The following PHF14 variants were observed in gnomAD, a reference collection of about 807,000 sequenced individuals.
The protein encoded by PHF14 is PHD finger protein 14.
In PHF14, 55 loss-of-function variants were observed where a neutral mutation model predicts 117.9. The ratio of observed to expected loss-of-function variants is 0.47; its 90% CI spans 0.38 to 0.58. PHF14 has a LOEUF of 0.58. PHF14 is among the 20% of genes least tolerant of loss of function. The pLI, the probability that PHF14 is intolerant of heterozygous loss-of-function variation, is 0.00. For missense variants in PHF14, 978 were observed against 1,122.2 expected (o/e 0.87, Z 1.84); for synonymous variants, 409 against 368.6 (o/e 1.11, Z -1.26).
At chr7:11,025,515 C>T (rs1234396774) in intron 6 of PHF14, among the ~76,000 whole-genome samples, 7 of 152,130 alleles carry the variant, frequency 4.6e-5, no homozygotes, top group Non-Finnish European at 8.8e-5. Flanking sequence ...ACTTGCCAGC[C>T]GGGCACGGTG....
chr7:11,140,710 T>C (rs573433249), intron 17 of PHF14, among the ~76,000 whole-genome samples: 1 of 152,270 alleles, frequency 6.6e-6, no homozygotes, highest in East Asian at 1.9e-4. Flanking sequence ...TAATAGGATT[T>C]TAAACATGGT....
At chr7:11,154,854 A>G (rs1235995643) in intron 17 of PHF14, among the ~76,000 whole-genome samples, 1 of 152,190 alleles carries the variant, frequency 6.6e-6, no homozygotes, top group East Asian at 1.9e-4. Flanking sequence ...CTTGCTGTCT[A>G]TGAATAATAC....
intron 17 of PHF14, among the ~76,000 whole-genome samples, chr7:11,117,787 G>T (rs1040674313): frequency 1.2e-3 from 178 of 151,692 alleles, no homozygotes; most frequent in African/African-American, 4.2e-3. Flanking sequence ...TGAATTTTAT[G>T]CATTGAGAAG....
In PHF14 at chr7:11,036,415, T is replaced by C; in HGVS notation, c.1603-3T>C. On this transcript the variant is annotated splice_polypyrimidine_tract_variant and splice_region_variant and intron_variant, in intron 8 of 17. Transcript: ENST00000634607. ...TTAAAATTTGAATACATTTCTTTTA[T>C]AGGCAAGGATCAATGCCCGGCTTCA... is the stretch of plus-strand genomic sequence containing the variant. The C allele has an allele frequency of 6.3e-7, 1 of 1,594,718 alleles. No homozygotes were observed. The highest frequency in any genetic ancestry group is 8.6e-7 in the Non-Finnish European group (1 of 1,167,928).
intron 5 of PHF14, among the ~76,000 whole-genome samples, chr7:11,017,038 A>G (rs754794063): frequency 5.3e-5 from 8 of 152,148 alleles, no homozygotes; most frequent in Admixed American, 1.3e-4. Flanking sequence ...CACCTAACAT[A>G]ATGATCTCTA....
chr7:11,078,059 C>T lies in PHF14; in HGVS notation c.2654+15974C>T, dbSNP rs751558783. 4.1e-4 allele frequency among the ~76,000 whole-genome samples: 63 copies of T among 152,128 alleles called. 2 individuals are homozygous for T. The highest frequency in any genetic ancestry group is 2.6e-4 in the Non-Finnish European group (18 of 68,030). Reference sequence around the variant, plus strand: ...TGTGGCATGTGGGTATTTTAGTTCACACTGTGGTATTTGAATAGAAATGCT... The same window carrying T: ...TGTGGCATGTGGGTATTTTAGTTCATACTGTGGTATTTGAATAGAAATGCT... On this transcript the variant is annotated intron_variant, in intron 16 of 17. Transcript: ENST00000634607.
At chr7:11,041,474 A>G (rs1220688669) in intron 12 of PHF14, among the ~76,000 whole-genome samples, 1 of 151,504 alleles carries the variant, frequency 6.6e-6, no homozygotes, top group African/African-American at 2.4e-5. Context: ...ATCTATGTAT[A>G]TGCATACATA....
chr7:10,998,987 A>T (rs1782761682), intron 4 of PHF14, among the ~76,000 whole-genome samples: 1 of 152,210 alleles, frequency 6.6e-6, no homozygotes, highest in African/African-American at 2.4e-5. Flanking sequence ...GACATTGGGA[A>T]ATCGTACACA....
rs181085641 is a variant in PHF14 at position 10,994,761 on chromosome 7, C to T, written c.1045+3914C>T. Among the ~76,000 whole-genome samples, 51 of 152,088 alleles carry T rather than the reference C, an allele frequency of 3.4e-4. 1 individual carries two copies. In the East Asian group the frequency reaches 8.3e-3, roughly 25 times the overall value. ...CGGAGTTTCTTCTTTCTGGTGGGTT[C>T]GTGGTCTCGCTGGCTCAGGAGTGAA... On this transcript the variant is annotated intron_variant, in intron 4 of 17. Coordinates refer to ENST00000634607, the MANE Select transcript of PHF14 (RefSeq NM_001007157.2).
At chr7:11,007,121 A>T (rs1350230947) in intron 4 of PHF14, among the ~76,000 whole-genome samples, 1 of 151,924 alleles carries the variant, frequency 6.6e-6, no homozygotes, top group Admixed American at 6.6e-5. Flanking sequence ...TGAACCCAGG[A>T]GGCGGAGATT....
chr7:11,022,248 A>G (rs1026903), intron 5 of PHF14, among the ~76,000 whole-genome samples: 17,115 of 152,192 alleles, frequency 0.11, 1,177 homozygotes, highest in African/African-American at 0.2. Context: ...ATTTTAGTAT[A>G]TAGATTGTAT....
intron 16 of PHF14, chr7:11,107,899 A>G: frequency 5.0e-6 from 1 of 198,748 alleles, no homozygotes; most frequent in Non-Finnish European, 9.0e-6. Context: ...TAGGTCAATA[A>G]CTACTTTAAC....
chr7:11,078,778 T>C (rs1785965287), intron 16 of PHF14, among the ~76,000 whole-genome samples: 1 of 152,160 alleles, frequency 6.6e-6, no homozygotes, highest in Non-Finnish European at 1.5e-5. Flanking sequence ...GCAGTCACTT[T>C]TCATTTATTA....
chr7:11,148,732 T>G (rs1788624651), intron 17 of PHF14, among the ~76,000 whole-genome samples: 1 of 152,178 alleles, frequency 6.6e-6, no homozygotes, highest in Non-Finnish European at 1.5e-5. Flanking sequence ...AGACAAACAT[T>G]TATATAAGTT....
At position 11,130,366 on chromosome 7, in the gene PHF14, G is replaced by A. The variant is rs1169629801; in HGVS notation, c.2772+18899G>A. ...GGATTCAAGGAAATCCTTGGAGAGA[G>A]AGAGAACGTATATACAATTTATATG... On this transcript the variant is annotated intron_variant, in intron 17 of 17. Transcript: ENST00000634607. This position sits in a 1 kb window ranked among gnomAD's most constrained non-coding sequence, Gnocchi z 4.2. Among the ~76,000 whole-genome samples the A allele has an allele frequency of 6.6e-6, 1 of 151,996 alleles. No homozygotes were observed. Among genetic ancestry groups the A allele is most frequent in the Non-Finnish European group, 1.5e-5 (1 of 67,932 alleles).
Position 10,982,930 on chromosome 7 carries a change from G to A in PHF14, c.671G>A (p.Arg224Lys). Residue 224 changes from arginine (R) to lysine (K), a missense_variant, in exon 3 of 18, where the codon AGA becomes AAA. Physicochemically the swap from Arg to Lys is conservative, Grantham distance 26. Around this residue, in one of 7 missense-constraint regions of PHF14, gnomAD observed 414 missense variants for 376.4 expected, o/e 1.10. Transcript: ENST00000634607. ...WRPTVVKRKG[R>K]SASQKEGSDG... ...CCTACTGTAGTAAAGAGAAAAGGGA[G>A]ATCTGCGTCTCAGAAAGAGGGAAGT... 6.2e-7 allele frequency: 1 copy of A among 1,609,538 alleles called. No homozygotes were observed. Among genetic ancestry groups the A allele is most frequent in the Non-Finnish European group, 8.5e-7 (1 of 1,177,456 alleles).
chr7:11,154,395 CAA>C (rs1227491928), intron 17 of PHF14, among the ~76,000 whole-genome samples: 2 of 152,008 alleles, frequency 1.3e-5, no homozygotes, highest in Non-Finnish European at 2.9e-5. Context: ...TTCTAAAAAT[CAA>C]AGATACAAAG....
chr7:11,004,802 G>A (rs1783021956), intron 4 of PHF14, among the ~76,000 whole-genome samples: 1 of 151,904 alleles, frequency 6.6e-6, no homozygotes, highest in South Asian at 2.1e-4. Flanking sequence ...TTGGGAGGCC[G>A]AGGTGGGTGG....
At chr7:11,021,455 A>C (rs1330194800) in intron 5 of PHF14, among the ~76,000 whole-genome samples, 1 of 152,160 alleles carries the variant, frequency 6.6e-6, no homozygotes, top group African/African-American at 2.4e-5. Flanking sequence ...TGAGGACTCA[A>C]GTTGGTATCC....
Sources: gnomAD v4.1 joint callset for allele counts (sites outside exome capture counted in the v4.1 genomes callset) on GRCh38, gnomAD v4.1.1 for gene constraint, gnomAD v4.1.1 regional missense constraint, Gnocchi (gnomAD v3.1) non-coding constraint, MANE v1.5 for transcripts, NCBI Gene and HGNC (gene_info 2026-07-23, HGNC 2026-07-21) for gene names.